The following TMC1 variants were observed in gnomAD, a reference collection of about 807,000 sequenced individuals.
The protein encoded by TMC1 is transmembrane channel like 1.
Under a neutral mutation model 105.8 loss-of-function variants are expected in TMC1, and 84 were observed. The ratio of observed to expected loss-of-function variants is 0.79; its 90% CI spans 0.67 to 0.95. The LOEUF (loss-of-function observed/expected upper bound fraction) is 0.95. TMC1 is among the 40% of genes least tolerant of loss of function. The probability of loss-of-function intolerance (pLI) is 0.00; values close to 1 mark genes in which losing one functional copy is unlikely to be tolerated. For synonymous variants in TMC1, 315 were observed against 311.5 expected, an observed-to-expected ratio of 1.01 and a Z score of -0.12; for missense variants, 817 against 914.1, an observed-to-expected ratio of 0.89 and a Z score of 1.37.
chr9:72,811,276 A>C (rs577157231), intron 18 of TMC1, among the ~76,000 whole-genome samples: 20 of 152,320 alleles, frequency 1.3e-4, no homozygotes, highest in Non-Finnish European at 1.0e-4. Context: ...TTATGGTCAT[A>C]ATGTTATCAC....
rs1057515622 is a variant in TMC1, at chr9:72,700,513, T to A, written c.237-5T>A. 25 of 1,587,492 alleles carry A rather than the reference T, an allele frequency of 1.6e-5. No homozygotes were observed. The highest frequency in any genetic ancestry group is 2.1e-5 in the Non-Finnish European group (25 of 1,163,166). ...TATTAAGGTGTTTCTTTTTTACTTT[T>A]AAAGAGAAGAAGAAGAAATTGATGA... On this transcript the variant is annotated splice_region_variant and splice_polypyrimidine_tract_variant and intron_variant, in intron 7 of 23. Transcript: ENST00000297784.
intron 4 of TMC1, among the ~76,000 whole-genome samples, chr9:72,641,144 A>T (rs1016171472): frequency 1.3e-5 from 2 of 151,996 alleles, no homozygotes; most frequent in Non-Finnish European, 2.9e-5. Context: ...CCCAGTCTGG[A>T]ATGCAGTGGT....
intron 4 of TMC1, among the ~76,000 whole-genome samples, chr9:72,639,805 T>C (rs1588005375): frequency 6.6e-6 from 1 of 152,242 alleles, no homozygotes; most frequent in Non-Finnish European, 1.5e-5. Flanking sequence ...CTAAGTTGCC[T>C]TCAAATGTAA....
intron 11 of TMC1, among the ~76,000 whole-genome samples, chr9:72,752,256 G>C (rs1050905891): frequency 1.3e-5 from 2 of 152,078 alleles, no homozygotes; most frequent in African/African-American, 2.4e-5. Flanking sequence ...GGGGGTCCCT[G>C]TTCCTAAATG....
At chr9:72,752,348 A>G (rs1197199144) in intron 11 of TMC1, among the ~76,000 whole-genome samples, 1 of 152,110 alleles carries the variant, frequency 6.6e-6, no homozygotes, top group African/African-American at 2.4e-5. Flanking sequence ...TTTGAAAGAA[A>G]TGCTTCCTTA....
intron 13 of TMC1, among the ~76,000 whole-genome samples, chr9:72,774,653 C>T (rs1383341065): frequency 6.6e-6 from 1 of 152,158 alleles, no homozygotes; most frequent in East Asian, 1.9e-4. Flanking sequence ...CTTGAACCTT[C>T]CCTCTGGCAT....
intron 8 of TMC1, among the ~76,000 whole-genome samples, chr9:72,715,223 C>T (rs2120808): frequency 0.23 from 34,591 of 151,924 alleles, 4,266 homozygotes; most frequent in East Asian, 0.38. Flanking sequence ...CTTGGTAAAT[C>T]TGATGATTAC....
intron 21 of TMC1, among the ~76,000 whole-genome samples, chr9:72,829,133 A>G (rs1203839037): frequency 6.6e-6 from 1 of 152,124 alleles, no homozygotes; most frequent in Non-Finnish European, 1.5e-5. Flanking sequence ...ATTACTGAGT[A>G]TATTTTTTCA....
intron 20 of TMC1, 148 bp from the exon 21 acceptor site, chr9:72,826,721 G>C (rs1161371454): frequency 3.8e-6 from 3 of 794,822 alleles, no homozygotes; most frequent in Non-Finnish European, 6.5e-6. Context: ...TGAGGTCAAA[G>C]TGTCAGCAAG....
At chr9:72,739,998 C>A in intron 8 of TMC1, 121 bp from the exon 9 acceptor site, 1 of 748,036 alleles carries the variant, frequency 1.3e-6, no homozygotes, top group Non-Finnish European at 2.3e-6. Context: ...CTAGGTTCAC[C>A]TGTGAAGGAT....
At chr9:72,569,058 T>C (rs961095892) in intron 1 of TMC1, among the ~76,000 whole-genome samples, 1 of 152,166 alleles carries the variant, frequency 6.6e-6, no homozygotes, top group Admixed American at 6.5e-5. Flanking sequence ...CCTTGGTATC[T>C]GTTGGGGACT....
In TMC1 at chr9:72,816,152, A is replaced by G. The variant is rs148971770; in HGVS notation, c.1705A>G (p.Thr569Ala). 1.9e-4 allele frequency: 308 copies of G among 1,613,398 alleles called. No individual in the cohort carries two copies. The highest frequency in any genetic ancestry group is 5.0e-4 in the Middle Eastern group (3 of 6,060). The change falls in exon 19 of 24, where the codon ACC (threonine) becomes GCC (alanine). Residue 569 changes from threonine to alanine, a missense_variant. By Grantham distance (58) the Thr-to-Ala change is moderately conservative. Coordinates refer to ENST00000297784, the MANE Select transcript of TMC1 (RefSeq NM_138691.3). ...ATTGTGTCTCCTCTAGCCTTCATAC[A>G]CCGAATTCGACATCAGTGGCAACGT... Reference protein sequence around the residue: ...WDLEYGYPSYTEFDISGNVLA... With the variant: ...WDLEYGYPSYAEFDISGNVLA...
intron 19 of TMC1, among the ~76,000 whole-genome samples, chr9:72,819,633 A>G (rs568171257): frequency 3.3e-4 from 50 of 152,338 alleles, no homozygotes; most frequent in African/African-American, 1.2e-3. Context: ...CCACTTTTCA[A>G]ATAAATGAGT....
chr9:72,687,202 T>G (rs1037813080), intron 5 of TMC1, among the ~76,000 whole-genome samples: 106 of 152,362 alleles, frequency 7.0e-4, no homozygotes, highest in Middle Eastern at 3.4e-3. Context: ...TTTAAAAATG[T>G]GCTTTGGTTG....
intron 8 of TMC1, 67 bp downstream of exon 8, chr9:72,700,710 T>A (rs1826627426): frequency 1.8e-6 from 1 of 542,404 alleles, no homozygotes; most frequent in South Asian, 1.7e-5. Flanking sequence ...CCTCTGAATA[T>A]TCCATATATA....
chr9:72,568,505 G>A (rs1484938911), intron 1 of TMC1, among the ~76,000 whole-genome samples: 1 of 152,120 alleles, frequency 6.6e-6, no homozygotes, highest in Non-Finnish European at 1.5e-5. Context: ...TATGAGTGAG[G>A]CACCAGGCTA....
chr9:72,694,778 C>T, intron 7 of TMC1, 64 bp downstream of exon 7: 3 of 1,514,466 alleles, frequency 2.0e-6, no homozygotes, highest in Non-Finnish European at 1.8e-6. Context: ...CTTTCAGATA[C>T]TCTTTGACCT....
chr9:72,529,544 T>C (rs1013886242), intron 1 of TMC1, among the ~76,000 whole-genome samples: 2 of 152,168 alleles, frequency 1.3e-5, no homozygotes, highest in South Asian at 4.1e-4. Flanking sequence ...TTAGGAAATG[T>C]GTATATATGT....
chr9:72,697,269 T>C (rs1365172401), intron 7 of TMC1, among the ~76,000 whole-genome samples: 1 of 152,200 alleles, frequency 6.6e-6, no homozygotes, highest in Non-Finnish European at 1.5e-5. Context: ...TACCCAGCTC[T>C]ACTTTTGTGC....
Sources: gnomAD v4.1 joint callset for allele counts (sites outside exome capture counted in the v4.1 genomes callset) on GRCh38, gnomAD v4.1.1 for gene constraint, MANE v1.5 for transcripts, NCBI Gene and HGNC (gene_info 2026-07-23, HGNC 2026-07-21) for gene names.